PRSS23: variants seen among roughly 807,000 people sequenced by gnomAD.
The protein encoded by PRSS23 is serine protease 23.
PRSS23 carries 25 observed loss-of-function variants against 34.7 expected under a neutral mutation model. That is an observed-to-expected ratio of 0.72 (90% CI 0.53 to 1.01). PRSS23 has a LOEUF of 1.01. Ranked by LOEUF, PRSS23 falls within the 50% of genes least tolerant of loss-of-function variation. The probability of loss-of-function intolerance (pLI) is 0.00; values close to 1 mark genes in which losing one functional copy is unlikely to be tolerated. For synonymous variants in PRSS23, 176 were observed against 186.6 expected, an observed-to-expected ratio of 0.94 and a Z score of 0.46; for missense variants, 445 against 475.6, an observed-to-expected ratio of 0.94 and a Z score of 0.60.
exon 3 of PRSS23, chr11:86,951,799 C>G: frequency 6.2e-7 from 1 of 1,614,082 alleles, no homozygotes; most frequent in East Asian, 2.2e-5. Flanking sequence ...GAATAACCCA[C>G]CAAATGGAGC....
rs12281724 is a variant in PRSS23, at chr11:86,820,499, T to C, written c.-11-2878T>C. ...CTTATCATTATCATCATCCTGTATG[T>C]ACCAGTCCATTGTTGCAGAAAGGTA... On this transcript the variant is annotated intron_variant, in intron 1 of 2. Transcript: ENST00000533902. Among the ~76,000 whole-genome samples the C allele has an allele frequency of 8.1e-3, 1,234 of 152,330 alleles. 28 individuals are homozygous for C. The highest frequency in any genetic ancestry group is 0.028 in the African/African-American group (1,167 of 41,568).
At chr11:86,820,105 T>C (rs1304538739) in intron 1 of PRSS23, among the ~76,000 whole-genome samples, 1 of 152,148 alleles carries the variant, frequency 6.6e-6, no homozygotes, top group Non-Finnish European at 1.5e-5. Context: ...AAACATAAAC[T>C]TTGTGGGGAG....
intron 2 of PRSS23, among the ~76,000 whole-genome samples, chr11:86,887,813 A>C (rs1034036257): frequency 1.3e-5 from 2 of 152,178 alleles, no homozygotes; most frequent in East Asian, 1.9e-4. Context: ...GCACTTTGGG[A>C]GGCCGAGGTG....
chr11:86,906,982 TGTGC>T (rs2097378509), intron 2 of PRSS23, among the ~76,000 whole-genome samples: 1 of 152,154 alleles, frequency 6.6e-6, no homozygotes, highest in Non-Finnish European at 1.5e-5. Context: ...TTCTCTGTCG[TGTGC>T]ATACCTGGCT....
chr11:86,855,069 G>A (rs1312595180), intron 2 of PRSS23, among the ~76,000 whole-genome samples: 1 of 152,054 alleles, frequency 6.6e-6, no homozygotes, highest in Non-Finnish European at 1.5e-5. Flanking sequence ...GGAGGCTGAG[G>A]CAGGAGAATC....
At chr11:86,877,371 C>T (rs1204836994) in intron 2 of PRSS23, among the ~76,000 whole-genome samples, 2 of 152,210 alleles carry the variant, frequency 1.3e-5, no homozygotes, top group South Asian at 2.1e-4. Flanking sequence ...ACACGGTTCC[C>T]GTTCTTCTGA....
At chr11:86,940,480 G>C (rs1019074445) in intron 2 of PRSS23, among the ~76,000 whole-genome samples, 10 of 152,050 alleles carry the variant, frequency 6.6e-5, no homozygotes, top group Non-Finnish European at 1.3e-4. Flanking sequence ...GGCCTTCATG[G>C]TTTCTCATCC....
At chr11:86,868,166 G>C (rs1057019287) in intron 2 of PRSS23, among the ~76,000 whole-genome samples, 8 of 152,174 alleles carry the variant, frequency 5.3e-5, no homozygotes, top group African/African-American at 1.9e-4. Context: ...AGGCTCCCAA[G>C]AGACCCTCAG....
At chr11:86,855,228 T>C (rs1453067975) in intron 2 of PRSS23, among the ~76,000 whole-genome samples, 2 of 147,270 alleles carry the variant, frequency 1.4e-5, no homozygotes, top group Non-Finnish European at 3.0e-5. Flanking sequence ...AAAAGAAGAG[T>C]ATAGAAGGGT....
chr11:86,951,082 T>C (rs1949286116), intron 2 of PRSS23: 1 of 1,568,118 alleles, frequency 6.4e-7, no homozygotes, highest in African/African-American at 1.4e-5. Flanking sequence ...TAGTAGAATT[T>C]CCTCCAAAAT....
At chr11:86,806,198 C>G (rs780977765) in intron 1 of PRSS23, among the ~76,000 whole-genome samples, 10 of 152,242 alleles carry the variant, frequency 6.6e-5, no homozygotes, top group Non-Finnish European at 1.3e-4. Flanking sequence ...TCCACCACTT[C>G]CTCTACTCCA....
chr11:86,834,362 C>T (rs963736433), intron 2 of PRSS23, among the ~76,000 whole-genome samples: 1 of 152,116 alleles, frequency 6.6e-6, no homozygotes, highest in Non-Finnish European at 1.5e-5. Flanking sequence ...TGAGGTTCCC[C>T]ATTCTATTTC....
chr11:86,824,696 T>C lies in PRSS23; in HGVS notation c.206+1103T>C, dbSNP rs377595746. ...TTCCTGTGTCCATGTGTTCTCATTG[T>C]TCAATTCCCACCTATGAGTGAGAAT... On this transcript the variant is annotated intron_variant, in intron 2 of 2. Coordinates refer to the PRSS23 transcript ENST00000533902. Among the ~76,000 whole-genome samples, 11 of 145,768 alleles carry C rather than the reference T, an allele frequency of 7.5e-5. No individual in the cohort carries two copies. The East Asian group carries it at 2.0e-3, about 27-fold the overall frequency.
intron 1 of PRSS23, among the ~76,000 whole-genome samples, chr11:86,793,889 T>C (rs1947965866): frequency 6.6e-6 from 1 of 152,178 alleles, no homozygotes; most frequent in Non-Finnish European, 1.5e-5. Context: ...CATGTAAATA[T>C]ATATAATTAC....
At chr11:86,839,109 C>T (rs1489636010) in intron 2 of PRSS23, among the ~76,000 whole-genome samples, 2 of 151,522 alleles carry the variant, frequency 1.3e-5, no homozygotes, top group East Asian at 1.9e-4. Context: ...TGCAGCTCCT[C>T]GCCAGCAAGG....
At chr11:86,791,244 C>G (rs530316028) in intron 1 of PRSS23, 2 of 152,472 alleles carry the variant, frequency 1.3e-5, no homozygotes, top group South Asian at 4.1e-4. Flanking sequence ...CTTTCTTAAA[C>G]CAGCACAGCC....
At chr11:86,937,264 G>A (rs1949170861) in intron 2 of PRSS23, 1 of 152,238 alleles carries the variant, frequency 6.6e-6, no homozygotes, top group African/African-American at 2.4e-5. Flanking sequence ...AAAAAAGACA[G>A]GTGTATGTAA....
intron 2 of PRSS23, chr11:86,833,266 T>C (rs1948374974): frequency 6.3e-7 from 1 of 1,575,738 alleles, no homozygotes; most frequent in Admixed American, 1.7e-5. Context: ...CAAGGACAGG[T>C]TGGAGAGGAA....
At chr11:86,865,604 A>G (rs1948644643) in intron 2 of PRSS23, among the ~76,000 whole-genome samples, 1 of 152,174 alleles carries the variant, frequency 6.6e-6, no homozygotes, top group Admixed American at 6.5e-5. Context: ...AAAGCTCAAG[A>G]TATAGCTGGG....
Sources: gnomAD v4.1 joint callset for allele counts (sites outside exome capture counted in the v4.1 genomes callset) on GRCh38, gnomAD v4.1.1 for gene constraint, MANE v1.5 for transcripts, NCBI Gene and HGNC (gene_info 2026-07-23, HGNC 2026-07-21) for gene names.